NTF3: variants seen among roughly 807,000 people sequenced by gnomAD.
The protein encoded by NTF3 is neurotrophin 3, also known as neurotrophin-3.
A neutral mutation model predicts 26.3 loss-of-function variants in NTF3; 8 were observed. That is an observed-to-expected ratio of 0.30 (90% CI 0.18 to 0.55). The LOEUF is 0.55. Ranked by LOEUF, NTF3 falls within the 20% of genes least tolerant of loss-of-function variation. NTF3 has a pLI of 0.93. For missense variants in NTF3, 276 were observed against 352.9 expected (o/e 0.78, Z 1.75); for synonymous variants, 154 against 145.5 (o/e 1.06, Z -0.42).
At chr12:5,488,834 C>A (rs934210741) in intron 1 of NTF3, among the ~76,000 whole-genome samples, 1 of 152,186 alleles carries the variant, frequency 6.6e-6, no homozygotes, top group African/African-American at 2.4e-5. Flanking sequence ...AGCTGGCCAG[C>A]GTCCTCTTTG....
chr12:5,471,852 G>A (rs1351115769), intron 1 of NTF3, among the ~76,000 whole-genome samples: 1 of 152,034 alleles, frequency 6.6e-6, no homozygotes, highest in Non-Finnish European at 1.5e-5. Flanking sequence ...TTTCTTTCTT[G>A]GTGGGTGATA....
At chr12:5,471,772 A>G (rs1245794117) in intron 1 of NTF3, among the ~76,000 whole-genome samples, 2 of 151,902 alleles carry the variant, frequency 1.3e-5, no homozygotes, top group African/African-American at 4.8e-5. Context: ...CTCCTCGTGC[A>G]TATCTGTCTC....
intron 1 of NTF3, among the ~76,000 whole-genome samples, chr12:5,472,999 A>G (rs1380104820): frequency 1.3e-5 from 2 of 152,148 alleles, no homozygotes; most frequent in African/African-American, 4.8e-5. Context: ...CAAGCTAGAT[A>G]TATTCTTGAA....
Position 5,453,502 on chromosome 12 carries a change from G to C in NTF3, c.18+21160G>C, listed in dbSNP as rs972261542. ...CTTATCAGTTTATTTGTTCCAGTTG[G>C]GAAGAACTGGAACCTGGTCGGCAGC... On this transcript the variant is annotated intron_variant, in intron 1 of 1. Transcript: ENST00000423158. Among the ~76,000 whole-genome samples the C allele has an allele frequency of 3.3e-5, 5 of 152,162 alleles. No homozygotes were observed. In the East Asian group the frequency reaches 7.7e-4, roughly 23 times the overall value.
At chr12:5,481,839 AC>A (rs1257626219) in intron 1 of NTF3, among the ~76,000 whole-genome samples, 2 of 142,970 alleles carry the variant, frequency 1.4e-5, no homozygotes, top group East Asian at 2.0e-4. Flanking sequence ...CATACTACAC[AC>A]ATGCACATGC....
chr12:5,432,460 C>A, intron 1 of NTF3, 118 bp downstream of exon 1: 2 of 1,132,700 alleles, frequency 1.8e-6, no homozygotes, highest in East Asian at 4.9e-5. Context: ...GCCCCACCCC[C>A]ATCGCGCCGC....
chr12:5,463,171 C>A (rs1164355266), intron 1 of NTF3, among the ~76,000 whole-genome samples: 1 of 152,172 alleles, frequency 6.6e-6, no homozygotes, highest in Non-Finnish European at 1.5e-5. Context: ...TTCAGAGCAG[C>A]AACACCAGAG....
chr12:5,455,906 C>T (rs929884313), intron 1 of NTF3, among the ~76,000 whole-genome samples: 1 of 152,106 alleles, frequency 6.6e-6, no homozygotes, highest in South Asian at 2.1e-4. Context: ...TCAGGCAGTC[C>T]ACAGAGTCTG....
intron 1 of NTF3, among the ~76,000 whole-genome samples, chr12:5,449,860 C>T (rs776727031): frequency 5.3e-5 from 8 of 152,248 alleles, no homozygotes; most frequent in African/African-American, 9.6e-5. Flanking sequence ...ACACATATCC[C>T]TCTTTGTGCC....
intron 1 of NTF3, among the ~76,000 whole-genome samples, chr12:5,449,051 C>T (rs1327213792): frequency 1.3e-5 from 2 of 152,202 alleles, no homozygotes; most frequent in Admixed American, 1.3e-4. Context: ...TATTGAATAT[C>T]ACTCAAGATG....
chr12:5,459,054 C>G (rs7488279), intron 1 of NTF3, among the ~76,000 whole-genome samples: 40,951 of 152,102 alleles, frequency 0.27, 6,118 homozygotes, highest in East Asian at 0.51. Flanking sequence ...AACAACGAAG[C>G]CTGGAGCTTA....
At chr12:5,464,844 G>T (rs868103491) in intron 1 of NTF3, among the ~76,000 whole-genome samples, 1 of 152,094 alleles carries the variant, frequency 6.6e-6, no homozygotes, top group Non-Finnish European at 1.5e-5. Context: ...CCCAGGGTTG[G>T]GGGGTAGAGA....
At position 5,437,827 on chromosome 12, in the gene NTF3, G is replaced by A. The variant is rs561670712; in HGVS notation, c.18+5485G>A. On this transcript the variant is annotated intron_variant, in intron 1 of 1. Coordinates refer to ENST00000423158, the MANE Select transcript of NTF3 (RefSeq NM_001102654.2). ...GGTGCTGCTGATAAGGTCTGTGGAT[G>A]TACTTTGTGCATGGACAGGCATGTG... Among the ~76,000 whole-genome samples, 5 of 152,344 alleles carry A rather than the reference G, an allele frequency of 3.3e-5. No homozygotes were observed. In the East Asian group the frequency reaches 9.6e-4, roughly 29 times the overall value.
intron 1 of NTF3, among the ~76,000 whole-genome samples, chr12:5,457,171 G>A (rs1444536516): frequency 6.6e-6 from 1 of 152,224 alleles, no homozygotes; most frequent in Non-Finnish European, 1.5e-5. Flanking sequence ...AGGTATGCAT[G>A]GTCAGAAGTT....
rs1433566262 is a variant in NTF3 at position 5,433,591 on chromosome 12, A to T, written c.18+1249A>T. 1.3e-5 allele frequency among the ~76,000 whole-genome samples: 2 copies of T among 151,104 alleles called. No individual in the cohort carries two copies. Among genetic ancestry groups the T allele is most frequent in the Non-Finnish European group, 3.0e-5 (2 of 67,794 alleles). On this transcript the variant is annotated intron_variant, in intron 1 of 1. Transcript: ENST00000423158. The surrounding 1 kb of genome is among the most constrained non-coding windows in gnomAD (Gnocchi z 4.6). Reference sequence around the variant, plus strand: ...CATTCGTCGTCTGCGCTTCAGATGCACGGCACTGAGACCCTTGCGTCCGAC... The same window carrying T: ...CATTCGTCGTCTGCGCTTCAGATGCTCGGCACTGAGACCCTTGCGTCCGAC...
At position 5,432,222 on chromosome 12, in the gene NTF3, G is replaced by A; in HGVS notation, c.-103G>A. 1 of 1,293,276 alleles carries A rather than the reference G, an allele frequency of 7.7e-7. No homozygotes were observed. Among genetic ancestry groups the A allele is most frequent in the Non-Finnish European group, 1.1e-6 (1 of 889,854 alleles). The allele number at this position is 1,293,276 out of a possible 1,614,324, so 80.1% of individuals were successfully genotyped here. Reference sequence around the variant, plus strand: ...TCTTTCTTCCTCTCCTTTTTCCCCTGCTGGGTAGTGGCTGCGGCGGGGTGG... The same window carrying A: ...TCTTTCTTCCTCTCCTTTTTCCCCTACTGGGTAGTGGCTGCGGCGGGGTGG... On this transcript the variant is annotated 5_prime_UTR_variant, in exon 1 of 2. Transcript: ENST00000423158.
chr12:5,445,952 C>A (rs997179821), intron 1 of NTF3, among the ~76,000 whole-genome samples: 5 of 152,170 alleles, frequency 3.3e-5, no homozygotes, highest in Non-Finnish European at 5.9e-5. Context: ...AGGTTCTTAG[C>A]AGATTCTGAA....
intron 1 of NTF3, among the ~76,000 whole-genome samples, chr12:5,483,287 G>A (rs1390399141): frequency 1.3e-5 from 2 of 151,672 alleles, no homozygotes; most frequent in South Asian, 2.1e-4. Flanking sequence ...TTTCTGTTTC[G>A]CCACTTTGCA....
At chr12:5,450,306 T>C (rs969121582) in intron 1 of NTF3, among the ~76,000 whole-genome samples, 4 of 152,200 alleles carry the variant, frequency 2.6e-5, no homozygotes, top group African/African-American at 9.7e-5. Context: ...TAGTACCTTG[T>C]TAAATTCCAT....
Sources: allele counts gnomAD v4.1 joint callset (sites outside exome capture counted in the v4.1 genomes callset), GRCh38; gene constraint gnomAD v4.1.1; non-coding constraint Gnocchi (gnomAD v3.1); transcripts MANE v1.5; gene names NCBI Gene and HGNC (gene_info 2026-07-23, HGNC 2026-07-21).